The following ZC2HC1B variants were observed in gnomAD, a reference collection of about 807,000 sequenced individuals.
The protein encoded by ZC2HC1B is zinc finger C2HC-type containing 1B.
ZC2HC1B carries 36 observed loss-of-function variants against 31.0 expected under a neutral mutation model. The ratio of observed to expected loss-of-function variants is 1.16; its 90% CI spans 0.89 to 1.54. The LOEUF (loss-of-function observed/expected upper bound fraction) is 1.54, where lower values mean the gene tolerates loss of function less well. Among genes scored for constraint, ZC2HC1B ranks in the 40% most tolerant of loss-of-function variants. The probability of loss-of-function intolerance (pLI) is 0.00; values close to 1 mark genes in which losing one functional copy is unlikely to be tolerated. For missense variants in ZC2HC1B, 260 were observed against 268.6 expected (o/e 0.97, Z 0.22); for synonymous variants, 73 against 88.0 (o/e 0.83, Z 0.95).
rs1425057564 is a variant in ZC2HC1B at position 143,899,125 on chromosome 6, T to C, written c.489+434T>C. On this transcript the variant is annotated intron_variant, in intron 5 of 7. Coordinates refer to ENST00000237275, the MANE Select transcript of ZC2HC1B (RefSeq NM_001013623.3). The surrounding 1 kb of genome is among the most constrained non-coding windows in gnomAD (Gnocchi z 5.0). ...AGGGGTCTTCACCTTTTATTTAAAG[T>C]CACAGAATCAGCAAGTTAAAGGGAT... is the stretch of plus-strand genomic sequence containing the variant. Among the ~76,000 whole-genome samples the C allele has an allele frequency of 6.6e-6, 1 of 152,150 alleles. No homozygotes were observed.
chr6:143,882,334 T>TATATATATATATATATATCTATA (rs1554237238), intron 1 of ZC2HC1B, among the ~76,000 whole-genome samples: 1 of 85,554 alleles, frequency 1.2e-5, no homozygotes, highest in African/African-American at 6.4e-5. Context: ...TTTATATTTT[T>TATATATATATATATATATCTATA]TATATATATA....
chr6:143,907,353 C>T (rs1206173368), intron 6 of ZC2HC1B, among the ~76,000 whole-genome samples: 1 of 152,204 alleles, frequency 6.6e-6, no homozygotes, highest in Non-Finnish European at 1.5e-5. Context: ...TGAGGAATCA[C>T]CACACTGTCT....
chr6:143,887,759 C>G lies in ZC2HC1B; in HGVS notation c.349+938C>G, dbSNP rs1777547194. On this transcript the variant is annotated intron_variant, in intron 4 of 7. Coordinates refer to ENST00000237275, the MANE Select transcript of ZC2HC1B (RefSeq NM_001013623.3). The surrounding 1 kb of genome is among the most constrained non-coding windows in gnomAD (Gnocchi z 5.1). The stretch of plus-strand genomic sequence containing the variant: ...AAACTGAAAGTTAGGGCTAGAATCT[C>G]AATGAGATTAGCATAAATATTAATA... Among the ~76,000 whole-genome samples the G allele has an allele frequency of 6.6e-6, 1 of 151,922 alleles. No homozygotes were observed. The highest frequency in any genetic ancestry group is 1.5e-5 in the Non-Finnish European group (1 of 67,950).
At chr6:143,935,799 C>T (rs1230090315) in intron 6 of ZC2HC1B, among the ~76,000 whole-genome samples, 1 of 151,520 alleles carries the variant, frequency 6.6e-6, no homozygotes, top group Non-Finnish European at 1.5e-5. Flanking sequence ...GGATGACAGG[C>T]ATGTACCACC....
At position 143,933,293 on chromosome 6, in the gene ZC2HC1B, T is replaced by C. The variant is rs1778142886; in HGVS notation, c.599-4356T>C. ...ACCTTGAGCCAGGAGGTGGTGCTTT[T>C]GAGAGTGCGCCAGCCAGCTGCAATA... On this transcript the variant is annotated intron_variant, in intron 6 of 7. Coordinates refer to ENST00000237275, the MANE Select transcript of ZC2HC1B (RefSeq NM_001013623.3). The surrounding 1 kb of genome is among the most constrained non-coding windows in gnomAD (Gnocchi z 6.4). Among the ~76,000 whole-genome samples the C allele has an allele frequency of 6.6e-6, 1 of 152,178 alleles. No homozygotes were observed. The highest frequency in any genetic ancestry group is 2.4e-5 in the African/African-American group (1 of 41,436).
intron 4 of ZC2HC1B, among the ~76,000 whole-genome samples, chr6:143,889,707 A>G (rs777562530): frequency 1.1e-4 from 16 of 152,130 alleles, no homozygotes; most frequent in Non-Finnish European, 1.9e-4. Context: ...ACAAATTCAC[A>G]ATTATATTTG....
intron 1 of ZC2HC1B, among the ~76,000 whole-genome samples, chr6:143,875,400 G>A (rs1343498896): frequency 7.3e-6 from 1 of 137,548 alleles, no homozygotes; most frequent in South Asian, 2.5e-4. Flanking sequence ...GGCATTTCCA[G>A]CTTGCTCCCA....
chr6:143,934,134 T>G lies in ZC2HC1B; in HGVS notation c.599-3515T>G, dbSNP rs1778151959. On this transcript the variant is annotated intron_variant, in intron 6 of 7. Coordinates refer to ENST00000237275, the MANE Select transcript of ZC2HC1B (RefSeq NM_001013623.3). The surrounding 1 kb of genome is among the most constrained non-coding windows in gnomAD (Gnocchi z 4.6). ...TCTCCCGTAATCTGGATTTTTCAGG[T>G]TCCTCAGTGGGGACGTGTGCTTGGA... Among the ~76,000 whole-genome samples, 1 of 152,248 alleles carries G rather than the reference T, an allele frequency of 6.6e-6. No individual in the cohort carries two copies. Among genetic ancestry groups the G allele is most frequent in the Non-Finnish European group, 1.5e-5 (1 of 68,042 alleles).
intron 6 of ZC2HC1B, among the ~76,000 whole-genome samples, chr6:143,930,387 T>C (rs892031695): frequency 3.0e-4 from 44 of 147,626 alleles, no homozygotes; most frequent in Non-Finnish European, 3.3e-4. Flanking sequence ...GTTTCTTTTT[T>C]TTTTTTTTTT....
Position 143,918,187 on chromosome 6 carries a change from G to A in ZC2HC1B, c.598+15035G>A, listed in dbSNP as rs1049517636. 6.8e-6 allele frequency among the ~76,000 whole-genome samples: 1 copy of A among 148,082 alleles called. No individual in the cohort carries two copies. The highest frequency in any genetic ancestry group is 1.5e-5 in the Non-Finnish European group (1 of 66,872). ...TCTTCTTCGCCTTTTTTTGGTAAGA[G>A]ACAGGATCTTACTTGTTGCCCAGGC... On this transcript the variant is annotated intron_variant, in intron 6 of 7. Coordinates refer to ENST00000237275, the MANE Select transcript of ZC2HC1B (RefSeq NM_001013623.3). The surrounding 1 kb of genome is among the most constrained non-coding windows in gnomAD (Gnocchi z 4.1).
At chr6:143,916,068 T>C (rs994381278) in intron 6 of ZC2HC1B, among the ~76,000 whole-genome samples, 1 of 151,708 alleles carries the variant, frequency 6.6e-6, no homozygotes, top group Non-Finnish European at 1.5e-5. Context: ...AGGCCCGAGG[T>C]TTAAGGGGAA....
rs12665265 is a variant in ZC2HC1B, at chr6:143,933,858, C to T, written c.599-3791C>T. On this transcript the variant is annotated intron_variant, in intron 6 of 7. Coordinates refer to ENST00000237275, the MANE Select transcript of ZC2HC1B (RefSeq NM_001013623.3). The surrounding 1 kb of genome is among the most constrained non-coding windows in gnomAD (Gnocchi z 6.4). ...TTCTGCAACAGTTCCTGTTTGCCCCCAGATTCTTCTCAAGAGGGTTTGCAC... is the reference window on the plus strand; with the variant it reads ...TTCTGCAACAGTTCCTGTTTGCCCCTAGATTCTTCTCAAGAGGGTTTGCAC... 0.13 allele frequency among the ~76,000 whole-genome samples: 20,171 copies of T among 152,158 alleles called. 1,697 individuals carry two copies. The highest frequency in any genetic ancestry group is 0.46 in the East Asian group (2,366 of 5,162).
intron 5 of ZC2HC1B, among the ~76,000 whole-genome samples, chr6:143,901,250 C>CAT (rs1777734718): frequency 1.1e-5 from 1 of 90,494 alleles, no homozygotes; most frequent in African/African-American, 5.3e-5. Context: ...TTCTTTCTTC[C>CAT]TTTTTTTTTT....
chr6:143,897,158 T>A (rs564835687), intron 4 of ZC2HC1B, among the ~76,000 whole-genome samples: 1 of 152,140 alleles, frequency 6.6e-6, no homozygotes, highest in African/African-American at 2.4e-5. Context: ...TTACAAAAAA[T>A]TCTTAACATC....
intron 1 of ZC2HC1B, among the ~76,000 whole-genome samples, chr6:143,882,179 T>C (rs961304997): frequency 6.6e-6 from 1 of 151,676 alleles, no homozygotes; most frequent in Non-Finnish European, 1.5e-5. Context: ...TGAGATAACA[T>C]AGGAAAACAC....
At chr6:143,881,349 G>A (rs552573614) in intron 1 of ZC2HC1B, among the ~76,000 whole-genome samples, 92 of 151,918 alleles carry the variant, frequency 6.1e-4, no homozygotes, top group African/African-American at 1.7e-3. Flanking sequence ...CCAAGAGTTC[G>A]AGACCAGTCT....
intron 6 of ZC2HC1B, among the ~76,000 whole-genome samples, chr6:143,930,245 G>A (rs1330177926): frequency 6.6e-6 from 1 of 151,680 alleles, no homozygotes; most frequent in East Asian, 1.9e-4. Flanking sequence ...TTTGCTGTTT[G>A]TCAAAGGTTT....
In ZC2HC1B at chr6:143,898,608, C is replaced by G; in HGVS notation, c.406C>G (p.His136Asp). 1 of 1,551,872 alleles carries G rather than the reference C, an allele frequency of 6.4e-7. No homozygotes were observed. Among genetic ancestry groups the G allele is most frequent in the East Asian group, 2.4e-5 (1 of 40,928 alleles). ...RRFNESAAER[H>D]TNFCKDQSSR... Reference sequence around the variant, plus strand: ...GTTTAATGAAAGCGCAGCTGAGCGACATACTAATTTCTGCAAGGATCAGTC... The same window carrying G: ...GTTTAATGAAAGCGCAGCTGAGCGAGATACTAATTTCTGCAAGGATCAGTC... Residue 136 changes from histidine (H) to aspartate (D), a missense_variant, in exon 5 of 8, where the codon CAT (histidine) becomes GAT (aspartate). Transcript: ENST00000237275.
chr6:143,916,506 C>A (rs1777918150), intron 6 of ZC2HC1B, among the ~76,000 whole-genome samples: 1 of 152,196 alleles, frequency 6.6e-6, no homozygotes, highest in South Asian at 2.1e-4. Context: ...ATGGTAGATC[C>A]ACTGACAGTG....
Sources: allele counts gnomAD v4.1 joint callset (sites outside exome capture counted in the v4.1 genomes callset), GRCh38; gene constraint gnomAD v4.1.1; non-coding constraint Gnocchi (gnomAD v3.1); transcripts MANE v1.5; gene names NCBI Gene and HGNC (gene_info 2026-07-23, HGNC 2026-07-21).